Variants in GLIS3 observed in about 807,000 individuals in gnomAD.
GLIS3 encodes the protein zinc finger protein GLIS3.
Under a neutral mutation model 78.6 loss-of-function variants are expected in GLIS3, and 53 were observed. The ratio of observed to expected loss-of-function variants is 0.67; its 90% CI spans 0.54 to 0.85. GLIS3 has a LOEUF of 0.85. Ranked by LOEUF, GLIS3 falls within the 40% of genes least tolerant of loss-of-function variation. The probability of loss-of-function intolerance (pLI) is 0.00; values close to 1 mark genes in which losing one functional copy is unlikely to be tolerated. For synonymous variants in GLIS3, 684 were observed against 509.9 expected (o/e 1.34, Z -4.60); for missense variants, 1,703 against 1,231.1 (o/e 1.38, Z -5.74).
intron 2 of GLIS3, among the ~76,000 whole-genome samples, chr9:4,218,985 T>C (rs1044128103): frequency 1.3e-5 from 2 of 152,250 alleles, no homozygotes; most frequent in Non-Finnish European, 2.9e-5. Flanking sequence ...AAAGATAAAA[T>C]TGGTCATTAC....
At chr9:4,454,579 G>A in the GLIS3 span, among the ~76,000 whole-genome samples, 2 of 152,150 alleles carry the variant, frequency 1.3e-5, no homozygotes, top group Non-Finnish European at 2.9e-5. Flanking sequence ...GGTAAATCTA[G>A]GAGATACTAG....
At chr9:4,053,274 T>G (rs1021636901) in intron 4 of GLIS3, among the ~76,000 whole-genome samples, 2 of 152,112 alleles carry the variant, frequency 1.3e-5, no homozygotes, top group Non-Finnish European at 2.9e-5. Context: ...TAACCGGTAT[T>G]AACTAGCATG....
At chr9:4,173,601 C>CAT in intron 2 of GLIS3, among the ~76,000 whole-genome samples, 1 of 100,868 alleles carries the variant, frequency 9.9e-6, no homozygotes, top group African/African-American at 3.7e-5. Context: ...CACACACACA[C>CAT]ATATATATGT....
intron 2 of GLIS3, among the ~76,000 whole-genome samples, chr9:4,187,210 A>G (rs1449857095): frequency 6.6e-6 from 1 of 152,234 alleles, no homozygotes; most frequent in African/African-American, 2.4e-5. Flanking sequence ...AGCTTTCTAC[A>G]TATGGCTGGC....
At chr9:4,141,727 G>A (rs1420984131) in intron 2 of GLIS3, among the ~76,000 whole-genome samples, 1 of 152,170 alleles carries the variant, frequency 6.6e-6, no homozygotes, top group East Asian at 1.9e-4. Flanking sequence ...GAGGTAGGAA[G>A]GCTGAAATAT....
At chr9:3,862,404 G>A (rs972793538) in intron 8 of GLIS3, among the ~76,000 whole-genome samples, 1 of 152,152 alleles carries the variant, frequency 6.6e-6, no homozygotes, top group Non-Finnish European at 1.5e-5. Context: ...GCCCTGAACT[G>A]GAGTTCTTCA....
chr9:3,839,876 T>C (rs767526823), intron 9 of GLIS3, among the ~76,000 whole-genome samples: 35 of 152,300 alleles, frequency 2.3e-4, no homozygotes, highest in Non-Finnish European at 4.7e-4. Flanking sequence ...ATTGATCAAA[T>C]CACCTAATCA....
At chr9:3,964,826 G>A (rs1471322656) in intron 4 of GLIS3, among the ~76,000 whole-genome samples, 2 of 152,118 alleles carry the variant, frequency 1.3e-5, no homozygotes, top group African/African-American at 4.8e-5. Context: ...GCTTTTTAAG[G>A]AAATTATGGT....
intron 2 of GLIS3, among the ~76,000 whole-genome samples, chr9:4,238,097 G>A (rs1207577149): frequency 6.6e-6 from 1 of 152,140 alleles, no homozygotes; most frequent in Non-Finnish European, 1.5e-5. Context: ...ACAAAGTCAG[G>A]AGTAAGCCTT....
At chr9:4,279,954 TATATC>T (rs1193808788) in intron 2 of GLIS3, among the ~76,000 whole-genome samples, 1 of 151,984 alleles carries the variant, frequency 6.6e-6, no homozygotes, top group Non-Finnish European at 1.5e-5. Flanking sequence ...TATAATAATT[TATATC>T]ATATTAATAA....
intron 4 of GLIS3, among the ~76,000 whole-genome samples, chr9:3,986,722 C>A (rs1426870086): frequency 1.3e-5 from 2 of 152,200 alleles, no homozygotes; most frequent in Non-Finnish European, 1.5e-5. Context: ...CCAGTGGAAG[C>A]CCCAGCAGCA....
chr9:4,284,568 A>T (rs956607877), intron 2 of GLIS3, among the ~76,000 whole-genome samples: 1 of 152,032 alleles, frequency 6.6e-6, no homozygotes, highest in Non-Finnish European at 1.5e-5. Flanking sequence ...CTAAGAAATA[A>T]AATGACTCAA....
At chr9:3,859,168 G>T (rs1343217540) in intron 8 of GLIS3, among the ~76,000 whole-genome samples, 4 of 152,118 alleles carry the variant, frequency 2.6e-5, no homozygotes, top group Non-Finnish European at 4.4e-5. Context: ...GACTCAACAA[G>T]CTAACAAGTA....
At chr9:3,897,225 C>T (rs10974064) in intron 7 of GLIS3, among the ~76,000 whole-genome samples, 13,628 of 152,090 alleles carry the variant, frequency 0.09, 810 homozygotes, top group East Asian at 0.16. Context: ...GTATGTTAGG[C>T]CATTTTTCAA....
At chr9:4,372,165 T>A in the GLIS3 span, among the ~76,000 whole-genome samples, 1 of 152,166 alleles carries the variant, frequency 6.6e-6, no homozygotes. Context: ...TAGAAAGAAT[T>A]CCAGATGAAG....
chr9:4,373,309 T>C, the GLIS3 span, among the ~76,000 whole-genome samples: 3 of 152,170 alleles, frequency 2.0e-5, no homozygotes, highest in African/African-American at 7.2e-5. Flanking sequence ...TAGTTTCCCA[T>C]CCTGGCTGTA....
chr9:4,380,336 AG>A, the GLIS3 span, among the ~76,000 whole-genome samples: 2 of 152,218 alleles, frequency 1.3e-5, no homozygotes, highest in Non-Finnish European at 2.9e-5. Flanking sequence ...ACATACACAA[AG>A]ATAACAATTG....
chr9:4,023,678 G>A (rs1823070910), intron 4 of GLIS3, among the ~76,000 whole-genome samples: 1 of 152,218 alleles, frequency 6.6e-6, no homozygotes, highest in African/African-American at 2.4e-5. Context: ...GGGAAAGAAG[G>A]TGTCAACACA....
chr9:3,947,685 A>G (rs1816394283), intron 4 of GLIS3, among the ~76,000 whole-genome samples: 1 of 152,254 alleles, frequency 6.6e-6, no homozygotes, highest in South Asian at 2.1e-4. Flanking sequence ...GGAGTGCAAG[A>G]TGCCAAATTT....
Sources: allele counts gnomAD v4.1 joint callset (sites outside exome capture counted in the v4.1 genomes callset), GRCh38; gene constraint gnomAD v4.1.1; transcripts MANE v1.5; gene names NCBI Gene and HGNC (gene_info 2026-07-23, HGNC 2026-07-21).